SPSB4: variants seen among roughly 807,000 people sequenced by gnomAD.
The protein encoded by SPSB4 is SPRY domain-containing SOCS box protein 4.
In SPSB4, 21 loss-of-function variants were observed where a neutral mutation model predicts 20.9. The observed-to-expected ratio is 1.01, with a 90% CI of 0.71 to 1.45. The LOEUF (loss-of-function observed/expected upper bound fraction) is 1.45, where lower values mean the gene tolerates loss of function less well. Among genes scored for constraint, SPSB4 ranks in the 40% most tolerant of loss-of-function variants. The pLI, the probability that SPSB4 is intolerant of heterozygous loss-of-function variation, is 0.00. For missense variants in SPSB4, 399 were observed against 399.2 expected, an observed-to-expected ratio of 1.00 and a Z score of 0.00; for synonymous variants, 207 against 183.8, an observed-to-expected ratio of 1.13 and a Z score of -1.02.
chr3:141,092,097 C>T (rs1938461620), intron 2 of SPSB4, among the ~76,000 whole-genome samples: 1 of 152,192 alleles, frequency 6.6e-6, no homozygotes, highest in Admixed American at 6.5e-5. Flanking sequence ...TTGTGGGAAG[C>T]AGAATGTCAG....
intron 1 of SPSB4, among the ~76,000 whole-genome samples, chr3:141,062,834 A>G (rs1559838010): frequency 6.6e-6 from 1 of 152,088 alleles, no homozygotes; most frequent in African/African-American, 2.4e-5. Context: ...ACACTTGAAA[A>G]GAACATGCAT....
chr3:141,055,079 G>A (rs1328125833), intron 1 of SPSB4, among the ~76,000 whole-genome samples: 1 of 152,242 alleles, frequency 6.6e-6, no homozygotes, highest in African/African-American at 2.4e-5. Flanking sequence ...CTGTGTACGA[G>A]TATTGGAGAT....
intron 1 of SPSB4, among the ~76,000 whole-genome samples, chr3:141,055,148 G>T (rs1937616794): frequency 6.6e-6 from 1 of 152,226 alleles, no homozygotes; most frequent in Non-Finnish European, 1.5e-5. Context: ...AGAGATAGCA[G>T]CAGGAATCAA....
chr3:141,132,067 T>G, intron 2 of SPSB4: 1 of 214,126 alleles, frequency 4.7e-6, no homozygotes. Context: ...GGAAAAAGTC[T>G]TTAGTGGTGA....
intron 2 of SPSB4, among the ~76,000 whole-genome samples, chr3:141,135,913 G>A (rs1291869737): frequency 2.0e-5 from 3 of 152,156 alleles, no homozygotes; most frequent in Admixed American, 6.5e-5. Flanking sequence ...CTGAGGAATC[G>A]CCACACTGAT....
At chr3:141,058,928 AT>A (rs1937709554) in intron 1 of SPSB4, among the ~76,000 whole-genome samples, 1 of 152,134 alleles carries the variant, frequency 6.6e-6, no homozygotes, top group South Asian at 2.1e-4. Flanking sequence ...ACAGCAGAGC[AT>A]GAGCCCTCCC....
intron 2 of SPSB4, among the ~76,000 whole-genome samples, chr3:141,132,624 T>C (rs1366736566): frequency 1.3e-5 from 2 of 151,594 alleles, no homozygotes; most frequent in African/African-American, 4.9e-5. Context: ...ATTCCTTTTT[T>C]ATGGCTGAGT....
rs552764812 is a variant in SPSB4 at position 141,120,977 on chromosome 3, T to A, written c.695-26165T>A. Among the ~76,000 whole-genome samples, 6 of 151,230 alleles carry A rather than the reference T, an allele frequency of 4.0e-5. No individual in the cohort carries two copies. The South Asian group carries it at 1.3e-3, about 32-fold the overall frequency. On this transcript the variant is annotated intron_variant, in intron 2 of 2. Transcript: ENST00000310546. ...TTATGATGTTAGCTGGCTATTTTGC[T>A]CGTTAGTTGATGCATTTTCTTCCTA...
chr3:141,123,321 T>A (rs1319564271), intron 2 of SPSB4, among the ~76,000 whole-genome samples: 3 of 152,260 alleles, frequency 2.0e-5, no homozygotes, highest in African/African-American at 7.2e-5. Context: ...TTGTGTTGTC[T>A]CCGCCAATCT....
In SPSB4 at chr3:141,051,375, C is replaced by T; in HGVS notation, c.-771C>T. ...TCGGCTTTCAGCTGCAGCCTCCGGG[C>T]CGGCCGGGAAGGCGGGGAGCGGGCG... is the stretch of plus-strand genomic sequence containing the variant. On this transcript the variant is annotated 5_prime_UTR_variant, in exon 1 of 3. Transcript: ENST00000310546. The T allele has an allele frequency of 6.4e-6, 1 of 155,206 alleles. No individual in the cohort carries two copies. Among genetic ancestry groups the T allele is most frequent in the Non-Finnish European group, 1.4e-5 (1 of 69,926 alleles). 9.6% of individuals were successfully genotyped at this position (155,206 alleles called of 1,614,324 possible).
In SPSB4 at chr3:141,059,693, G is replaced by C. The variant is rs1178271389; in HGVS notation, c.-153-6259G>C. 3.9e-5 allele frequency among the ~76,000 whole-genome samples: 6 copies of C among 152,122 alleles called. No homozygotes were observed. In the East Asian group the frequency reaches 9.6e-4, roughly 24 times the overall value. ...AGGGACAAATATCCAACCTATATTA[G>C]GCTTCAACATGTGAATTTGGGGAGG... On this transcript the variant is annotated intron_variant, in intron 1 of 2. Coordinates refer to ENST00000310546, the MANE Select transcript of SPSB4 (RefSeq NM_080862.3).
chr3:141,087,531 C>T (rs931453389), intron 2 of SPSB4, among the ~76,000 whole-genome samples: 9 of 152,198 alleles, frequency 5.9e-5, no homozygotes, highest in African/African-American at 1.4e-4. Flanking sequence ...GTCCCAGTGA[C>T]GTCAGGCACT....
intron 2 of SPSB4, among the ~76,000 whole-genome samples, chr3:141,094,263 T>C (rs926110787): frequency 6.6e-6 from 1 of 152,212 alleles, no homozygotes; most frequent in Non-Finnish European, 1.5e-5. Flanking sequence ...GGTTGGTCTG[T>C]GTACCTCTGG....
chr3:141,125,604 A>G (rs886363481), intron 2 of SPSB4, among the ~76,000 whole-genome samples: 2 of 152,242 alleles, frequency 1.3e-5, no homozygotes, highest in Non-Finnish European at 1.5e-5. Flanking sequence ...GTCTGCCTGC[A>G]GAAATAAGCA....
rs754566043 is a variant in SPSB4 at position 141,066,575 on chromosome 3, C to T, written c.471C>T (p.Pro157=). ...SRLYHDGKNQ[P]GVAYPAFLGP... is the part of the protein sequence containing the mutation. ...TCTACCACGACGGCAAGAACCAGCCCGGCGTGGCCTACCCGGCCTTTCTGG... is the reference window on the plus strand; with the variant it reads ...TCTACCACGACGGCAAGAACCAGCCTGGCGTGGCCTACCCGGCCTTTCTGG... Residue 157 remains proline, a synonymous_variant, in exon 2 of 3, where the codon CCC becomes CCT. Transcript: ENST00000310546. 12 of 1,549,456 alleles carry T rather than the reference C, an allele frequency of 7.7e-6. No individual in the cohort carries two copies. The Admixed American group carries it at 1.4e-4, about 18-fold the overall frequency.
chr3:141,066,378 G>C lies in SPSB4; in HGVS notation c.274G>C (p.Gly92Arg), dbSNP rs1410085192. Reference sequence around the variant, plus strand: ...CACCGACGGCATCCGCGGCAAGGTGGGCCACGCCCGCGGCCTGCACGCCTG... The same window carrying C: ...CACCGACGGCATCCGCGGCAAGGTGCGCCACGCCCGCGGCCTGCACGCCTG... ...QSTDGIRGKV[G>R]HARGLHAWQI... is the part of the protein sequence containing the mutation. The change falls in exon 2 of 3, where the codon GGC becomes CGC. Residue 92 changes from glycine to arginine, a missense_variant. By Grantham distance (125) the Gly-to-Arg change is moderately radical. Transcript: ENST00000310546. 6.5e-7 allele frequency: 1 copy of C among 1,548,500 alleles called. No individual in the cohort carries two copies. The highest frequency in any genetic ancestry group is 2.0e-5 in the Admixed American group (1 of 51,040).
At chr3:141,071,942 C>T (rs2107782072) in intron 2 of SPSB4, among the ~76,000 whole-genome samples, 1 of 152,368 alleles carries the variant, frequency 6.6e-6, no homozygotes, top group Admixed American at 6.5e-5. Flanking sequence ...TTTGCTCTCA[C>T]GATGACTACA....
chr3:141,063,335 T>C (rs1035181333), intron 1 of SPSB4, among the ~76,000 whole-genome samples: 1 of 152,228 alleles, frequency 6.6e-6, no homozygotes, highest in African/African-American at 2.4e-5. Flanking sequence ...TTTTAGCAGT[T>C]TACTATGGCC....
In SPSB4 at chr3:141,066,162, C is replaced by A. The variant is rs752275911; in HGVS notation, c.58C>A (p.Arg20=). 2.0e-6 allele frequency: 3 copies of A among 1,531,896 alleles called. No individual in the cohort carries two copies. The African/African-American group carries it at 4.2e-5, about 22-fold the overall frequency. The allele number at this position is 1,531,896 out of a possible 1,614,324, so 94.9% of individuals were successfully genotyped here. The change falls in exon 2 of 3, where the codon CGG becomes AGG. Residue 20 remains arginine, a synonymous_variant. Coordinates refer to ENST00000310546, the MANE Select transcript of SPSB4 (RefSeq NM_080862.3). ...AGTGGAGGTGCGAGAGCCGGCGCTG[C>A]GGCCGGCCAAGCGGGAGCTGCGGGG... The part of the protein sequence containing the change: ...KSVEVREPAL[R]PAKRELRGAE...
Sources: gnomAD v4.1 joint callset for allele counts (sites outside exome capture counted in the v4.1 genomes callset) on GRCh38, gnomAD v4.1.1 for gene constraint, MANE v1.5 for transcripts, NCBI Gene and HGNC (gene_info 2026-07-23, HGNC 2026-07-21) for gene names.